Variants in CEP290 observed in about 807,000 individuals in gnomAD.
The protein encoded by CEP290 is centrosomal protein 290.
In CEP290, 317 loss-of-function variants were observed where a neutral mutation model predicts 344.9. That is an observed-to-expected ratio of 0.92 (90% CI 0.84 to 1.01). The LOEUF is 1.01. Ranked by LOEUF, CEP290 falls within the 50% of genes least tolerant of loss-of-function variation. CEP290 has a pLI of 0.00. For synonymous variants in CEP290, 932 were observed against 895.8 expected (o/e 1.04, Z -0.72); for missense variants, 2,754 against 2,761.4 (o/e 1.00, Z 0.06).
chr12:88,099,210 G>A (rs1262883688), intron 26 of CEP290, among the ~76,000 whole-genome samples: 1 of 152,148 alleles, frequency 6.6e-6, no homozygotes, highest in Non-Finnish European at 1.5e-5. Context: ...AACAAAAATG[G>A]TAGGGAAAAA....
chr12:88,076,492 A>G (rs955052534), intron 41 of CEP290, among the ~76,000 whole-genome samples: 4 of 152,088 alleles, frequency 2.6e-5, no homozygotes, highest in African/African-American at 9.7e-5. Context: ...AATGGCAAAT[A>G]TTACTGCTAA....
Position 88,136,733 on chromosome 12 carries a change from A to G in CEP290, c.351T>C (p.Ile117=), listed in dbSNP as rs771707256. Residue 117 remains isoleucine (I), a synonymous_variant, in exon 6 of 54, where the codon ATT becomes ATC. Coordinates refer to ENST00000552810, the MANE Select transcript of CEP290 (RefSeq NM_025114.4). The part of the protein sequence containing the change: ...GRDTRFLRNE[I]CQLEKQLEQK... ...GTTCTAATTGTTTTTCAAGTTGGCA[A>G]ATTTCATTACGTAAAAACCGAGTAT... The G allele has an allele frequency of 5.6e-6, 9 of 1,613,708 alleles. No individual in the cohort carries two copies. The East Asian group carries it at 2.0e-4, about 36-fold the overall frequency.
chr12:88,078,115 C>T (rs894677192), intron 39 of CEP290, among the ~76,000 whole-genome samples, 197 bp from the exon 40 acceptor site: 3 of 147,916 alleles, frequency 2.0e-5, no homozygotes, highest in Admixed American at 1.3e-4. Context: ...AAAAAGTCGA[C>T]TTTGAGAAAA....
chr12:88,136,818 T>A, intron 5 of CEP290, 32 bp from the exon 6 acceptor site: 10 of 1,601,466 alleles, frequency 6.2e-6, no homozygotes, highest in Non-Finnish European at 8.5e-6. Context: ...TATAAATTAA[T>A]CCCATTATAT....
In CEP290 at chr12:88,107,050, C is replaced by T; in HGVS notation, c.2532G>A (p.Lys844=). The change falls in exon 24 of 54, where the codon AAG becomes AAA. Residue 844 remains lysine (K), a synonymous_variant. Coordinates refer to ENST00000552810, the MANE Select transcript of CEP290 (RefSeq NM_025114.4). ...KTESKTIKEE[K]RKLEDQVQQD... ...GTTGGACTTGATCCTCAAGTTTTCT[C>T]TTTTCCTCTTTTATTGTTTTAGATT... 1 of 1,552,966 alleles carries T rather than the reference C, an allele frequency of 6.4e-7. No individual in the cohort carries two copies. The highest frequency in any genetic ancestry group is 2.3e-5 in the East Asian group (1 of 42,684).
intron 6 of CEP290, among the ~76,000 whole-genome samples, chr12:88,135,240 T>C (rs571000047): frequency 4.8e-4 from 73 of 152,204 alleles, no homozygotes; most frequent in African/African-American, 1.7e-3. Flanking sequence ...CTCAAGGAAT[T>C]GAGCAGCCAA....
rs2033872104 is a variant in CEP290 at position 88,054,865 on chromosome 12, G to A, written c.6961-452C>T. Among the ~76,000 whole-genome samples the A allele has an allele frequency of 2.0e-5, 3 of 152,106 alleles. No homozygotes were observed. In the South Asian group the frequency reaches 6.2e-4, roughly 32 times the overall value. ...GCAGAGACATGAAGTCTGGGAGCAA[G>A]CTATGAGAATATTTGGGTGAACAGT... On this transcript the variant is annotated intron_variant, in intron 50 of 53. Coordinates refer to ENST00000552810, the MANE Select transcript of CEP290 (RefSeq NM_025114.4).
intron 11 of CEP290, among the ~76,000 whole-genome samples, chr12:88,127,419 T>C (rs541465649): frequency 2.0e-5 from 3 of 152,032 alleles, no homozygotes; most frequent in Admixed American, 2.0e-4. Flanking sequence ...ACCCAGGAGG[T>C]GGCATTTGCA....
chr12:88,064,925 G>T (rs2034788179), intron 44 of CEP290, among the ~76,000 whole-genome samples: 1 of 152,034 alleles, frequency 6.6e-6, no homozygotes. Context: ...CCTTCGGAAA[G>T]CCCTCCTTCA....
At chr12:88,093,736 C>A in intron 28 of CEP290, 34 bp downstream of exon 28, 1 of 1,467,686 alleles carries the variant, frequency 6.8e-7, no homozygotes, top group South Asian at 1.2e-5. Flanking sequence ...ATTCTTTATT[C>A]TATAATTGTA....
chr12:88,071,993 AATT>A, intron 41 of CEP290, 67 bp from the exon 42 acceptor site: 1 of 1,372,794 alleles, frequency 7.3e-7, no homozygotes, highest in Non-Finnish European at 9.6e-7. Flanking sequence ...ATGATTTATC[AATT>A]ATAATTTGCC....
At chr12:88,089,779 T>A (rs1408302495) in intron 30 of CEP290, among the ~76,000 whole-genome samples, 1 of 146,460 alleles carries the variant, frequency 6.8e-6, no homozygotes, top group African/African-American at 2.5e-5. Context: ...CAAGCTGGAG[T>A]GCAATGGCGT....
chr12:88,081,710 C>A, intron 37 of CEP290, among the ~76,000 whole-genome samples: 1 of 152,038 alleles, frequency 6.6e-6, no homozygotes, highest in South Asian at 2.1e-4. Context: ...TAATTTTGGA[C>A]TAAAATGACG....
chr12:88,074,740 A>G (rs1179433306), intron 41 of CEP290, among the ~76,000 whole-genome samples: 2 of 152,086 alleles, frequency 1.3e-5, no homozygotes, highest in Non-Finnish European at 2.9e-5. Flanking sequence ...CCTGCCCCAT[A>G]CCCTAGGAGA....
chr12:88,120,758 G>C (rs1025026011), intron 14 of CEP290, among the ~76,000 whole-genome samples: 2 of 152,104 alleles, frequency 1.3e-5, no homozygotes, highest in Non-Finnish European at 2.9e-5. Context: ...AAGTAATCCT[G>C]CTGCTTCACC....
chr12:88,112,349 C>A (rs149283028), intron 20 of CEP290, among the ~76,000 whole-genome samples: 2 of 152,058 alleles, frequency 1.3e-5, no homozygotes, highest in Non-Finnish European at 2.9e-5. Flanking sequence ...CAATATTGAA[C>A]AATTGATCAA....
intron 26 of CEP290, among the ~76,000 whole-genome samples, chr12:88,098,129 C>T (rs896443223): frequency 6.8e-6 from 1 of 146,176 alleles, no homozygotes; most frequent in African/African-American, 2.5e-5. Flanking sequence ...CAACACAGTA[C>T]TAAACATAGT....
At chr12:88,134,645 G>T (rs1185500014) in intron 6 of CEP290, among the ~76,000 whole-genome samples, 1 of 152,098 alleles carries the variant, frequency 6.6e-6, no homozygotes, top group Non-Finnish European at 1.5e-5. Flanking sequence ...GCAACCATGG[G>T]CAATTACTCT....
chr12:88,126,450 C>T lies in CEP290; in HGVS notation c.943-12G>A, dbSNP rs1224774782. The T allele has an allele frequency of 1.4e-6, 2 of 1,473,004 alleles. No homozygotes were observed. Among genetic ancestry groups the T allele is most frequent in the African/African-American group, 1.5e-5 (1 of 67,954 alleles). The allele number at this position is 1,473,004 out of a possible 1,614,324, so 91.2% of individuals were successfully genotyped here. ...GAAGACAAAATTAGCTAGAAATAAA[C>T]ACAATAGAATCTGTTATGCAAAAGG... is the stretch of plus-strand genomic sequence containing the variant. On this transcript the variant is annotated splice_polypyrimidine_tract_variant and intron_variant, in intron 11 of 53. Transcript: ENST00000552810.
Sources: allele counts gnomAD v4.1 joint callset (sites outside exome capture counted in the v4.1 genomes callset), GRCh38; gene constraint gnomAD v4.1.1; transcripts MANE v1.5; gene names NCBI Gene and HGNC (gene_info 2026-07-23, HGNC 2026-07-21).